MAPK4: variants seen among roughly 807,000 people sequenced by gnomAD.
MAPK4 encodes the protein Erk3-related.
Under a neutral mutation model 47.7 loss-of-function variants are expected in MAPK4, and 22 were observed. The observed-to-expected ratio is 0.46, with a 90% confidence interval of 0.33 to 0.66. The LOEUF (loss-of-function observed/expected upper bound fraction) is 0.66. Ranked by LOEUF, MAPK4 falls within the 30% of genes least tolerant of loss-of-function variation. The probability of loss-of-function intolerance (pLI) is 0.02; values close to 1 mark genes in which losing one functional copy is unlikely to be tolerated. For synonymous variants in MAPK4, 390 were observed against 365.7 expected (o/e 1.07, Z -0.76); for missense variants, 736 against 831.7 (o/e 0.88, Z 1.42).
At chr18:50,613,514 C>T (rs536059936) in intron 1 of MAPK4, among the ~76,000 whole-genome samples, 20 of 152,272 alleles carry the variant, frequency 1.3e-4, no homozygotes, top group African/African-American at 4.1e-4. Flanking sequence ...CTTGTGACCC[C>T]GGAGCAGAGG....
intron 2 of MAPK4, chr18:50,704,550 C>T: frequency 2.5e-6 from 1 of 398,612 alleles, no homozygotes; most frequent in East Asian, 3.6e-5. Context: ...GCATCACAAG[C>T]ATTGTGGGTC....
chr18:50,720,566 C>T (rs1296056789), intron 3 of MAPK4, among the ~76,000 whole-genome samples: 1 of 151,996 alleles, frequency 6.6e-6, no homozygotes, highest in Non-Finnish European at 1.5e-5. Context: ...CATTCTCTGC[C>T]CCCACCCCCG....
At chr18:50,622,791 G>C (rs1434006230) in intron 1 of MAPK4, among the ~76,000 whole-genome samples, 2 of 152,234 alleles carry the variant, frequency 1.3e-5, no homozygotes, top group East Asian at 3.8e-4. Flanking sequence ...TTGTATAGCA[G>C]CCACCACAAA....
intron 2 of MAPK4, among the ~76,000 whole-genome samples, chr18:50,703,504 C>T (rs751081736): frequency 3.7e-4 from 57 of 152,178 alleles, no homozygotes; most frequent in Non-Finnish European, 7.3e-4. Flanking sequence ...GGAGGCAGTG[C>T]GCCTCCATTC....
At chr18:50,589,814 G>A (rs954916006) in intron 1 of MAPK4, among the ~76,000 whole-genome samples, 2 of 152,150 alleles carry the variant, frequency 1.3e-5, no homozygotes, top group Non-Finnish European at 2.9e-5. Context: ...GAGAGAATTG[G>A]GTACAAGAGT....
In MAPK4 at chr18:50,710,165, G is replaced by A. The variant is rs538795449; in HGVS notation, c.547-4914G>A. Among the ~76,000 whole-genome samples the A allele has an allele frequency of 5.3e-5, 8 of 152,280 alleles. No homozygotes were observed. The South Asian group carries it at 1.7e-3, about 32-fold the overall frequency. On this transcript the variant is annotated intron_variant, in intron 2 of 5. Transcript: ENST00000400384. ...AGTTGACTGGGCTTTTATTCTTGGA[G>A]AATGTCATCTCATTTAAATTCACCA...
chr18:50,586,735 A>G (rs2042392266), intron 1 of MAPK4, among the ~76,000 whole-genome samples: 2 of 152,142 alleles, frequency 1.3e-5, no homozygotes, highest in Admixed American at 6.5e-5. Flanking sequence ...TGTGTAGAAA[A>G]TAAAAAAGGG....
At chr18:50,562,927 G>A (rs1332253053) in intron 1 of MAPK4, among the ~76,000 whole-genome samples, 1 of 152,096 alleles carries the variant, frequency 6.6e-6, no homozygotes, top group Non-Finnish European at 1.5e-5. Context: ...ATCAGACATT[G>A]AGAACTCTCT....
intron 2 of MAPK4, among the ~76,000 whole-genome samples, chr18:50,690,759 A>C (rs1260860052): frequency 2.6e-5 from 4 of 152,228 alleles, no homozygotes; most frequent in Non-Finnish European, 5.9e-5. Context: ...TTGAGGAACG[A>C]CATTCACTCT....
At chr18:50,600,664 A>T (rs1227357376) in intron 1 of MAPK4, among the ~76,000 whole-genome samples, 2 of 152,148 alleles carry the variant, frequency 1.3e-5, no homozygotes, top group African/African-American at 4.8e-5. Context: ...ACTGTAATAA[A>T]TGTACTTTCT....
chr18:50,572,922 A>G (rs2042262565), intron 1 of MAPK4, among the ~76,000 whole-genome samples: 1 of 152,204 alleles, frequency 6.6e-6, no homozygotes, highest in Non-Finnish European at 1.5e-5. Flanking sequence ...CCTTAAACTT[A>G]GATTATTTGA....
intron 1 of MAPK4, among the ~76,000 whole-genome samples, chr18:50,610,523 C>T (rs1568044246): frequency 6.6e-6 from 1 of 152,210 alleles, no homozygotes; most frequent in Non-Finnish European, 1.5e-5. Context: ...CTCCTCCTGC[C>T]TTGCAGCCTC....
At chr18:50,612,959 A>T (rs983874530) in intron 1 of MAPK4, among the ~76,000 whole-genome samples, 5 of 152,198 alleles carry the variant, frequency 3.3e-5, no homozygotes, top group African/African-American at 1.2e-4. Flanking sequence ...AAGGCCCTGG[A>T]TGAATCTCTG....
intron 1 of MAPK4, among the ~76,000 whole-genome samples, chr18:50,654,245 C>G (rs1387427922): frequency 6.6e-6 from 1 of 152,236 alleles, no homozygotes; most frequent in Non-Finnish European, 1.5e-5. Flanking sequence ...GGTCTGAACA[C>G]TGAGCTGCCA....
Position 50,729,613 on chromosome 18 carries a change from G to C in MAPK4, c.1523G>C (p.Ser508Thr), listed in dbSNP as rs1372606225. 22 of 1,376,564 alleles carry C rather than the reference G, an allele frequency of 1.6e-5. No homozygotes were observed. The highest frequency in any genetic ancestry group is 1.9e-5 in the Non-Finnish European group (20 of 1,067,870). The allele number at this position is 1,376,564 out of a possible 1,614,324, so 85.3% of individuals were successfully genotyped here. ...KSTQGGPEHA[S>T]PPADDPERRL... ...ACGCAGGGCGGCCCAGAGCACGCCAGCCCGCCCGCCGACGACCCCGAGCGC... is the reference window on the plus strand; with the variant it reads ...ACGCAGGGCGGCCCAGAGCACGCCACCCCGCCCGCCGACGACCCCGAGCGC... Residue 508 changes from serine to threonine, a missense_variant, in exon 6 of 6, where the codon AGC (serine) becomes ACC (threonine). By Grantham distance (58) the Ser-to-Thr change is moderately conservative. Transcript: ENST00000400384.
intron 1 of MAPK4, among the ~76,000 whole-genome samples, chr18:50,632,373 T>G (rs149603895): frequency 1.3e-5 from 2 of 152,278 alleles, no homozygotes; most frequent in South Asian, 4.1e-4. Context: ...GCAAAGTTCT[T>G]TTGTGTTATG....
chr18:50,684,702 G>A (rs1169171090), intron 2 of MAPK4, among the ~76,000 whole-genome samples: 1 of 152,178 alleles, frequency 6.6e-6, no homozygotes, highest in African/African-American at 2.4e-5. Flanking sequence ...AGAGCAGGCT[G>A]TGTGGGAAGG....
chr18:50,635,791 C>T (rs1053295088), intron 1 of MAPK4, among the ~76,000 whole-genome samples: 5 of 152,078 alleles, frequency 3.3e-5, no homozygotes, highest in Non-Finnish European at 7.4e-5. Flanking sequence ...TGCTTATGGT[C>T]TAGTTCATAA....
At chr18:50,587,845 T>C (rs926802828) in intron 1 of MAPK4, among the ~76,000 whole-genome samples, 4 of 152,106 alleles carry the variant, frequency 2.6e-5, no homozygotes, top group Non-Finnish European at 2.9e-5. Context: ...TCTCCTGCCT[T>C]AGCTTCCCAA....
Sources: allele counts gnomAD v4.1 joint callset (sites outside exome capture counted in the v4.1 genomes callset), GRCh38; gene constraint gnomAD v4.1.1; transcripts MANE v1.5; gene names NCBI Gene and HGNC (gene_info 2026-07-23, HGNC 2026-07-21).